Variants in ECT2L observed in about 807,000 individuals in gnomAD.
ECT2L encodes the protein epithelial cell transforming 2 like, also known as epithelial cell-transforming sequence 2 oncogene-like.
A neutral mutation model predicts 122.8 loss-of-function variants in ECT2L; 126 were observed. The ratio of observed to expected loss-of-function variants is 1.03; its 90% CI spans 0.89 to 1.19. The LOEUF (loss-of-function observed/expected upper bound fraction) is 1.19, where lower values mean the gene tolerates loss of function less well. ECT2L is among the 50% of genes most tolerant of loss of function. The probability of loss-of-function intolerance (pLI) is 0.00; values close to 1 mark genes in which losing one functional copy is unlikely to be tolerated. For missense variants in ECT2L, 1,012 were observed against 1,064.1 expected, an observed-to-expected ratio of 0.95 and a Z score of 0.68; for synonymous variants, 385 against 381.8, an observed-to-expected ratio of 1.01 and a Z score of -0.10.
rs1001035003 is a variant in ECT2L at position 138,894,668 on chromosome 6, T to C, written c.2414+5637T>C. On this transcript the variant is annotated intron_variant, in intron 20 of 21. Transcript: ENST00000541398. ...ACCCATTATCTTCACATACTGGAAA[T>C]TGTAGACAAAGAACAATTATGGTCA... Among the ~76,000 whole-genome samples the C allele has an allele frequency of 4.6e-5, 7 of 152,184 alleles. No homozygotes were observed. In the East Asian group the frequency reaches 7.7e-4, roughly 17 times the overall value.
intron 10 of ECT2L, among the ~76,000 whole-genome samples, chr6:138,856,582 T>C (rs1387044747): frequency 1.3e-5 from 2 of 152,242 alleles, no homozygotes; most frequent in Non-Finnish European, 2.9e-5. Context: ...GTCTTCATTT[T>C]TGCTTCCTTC....
At chr6:138,897,310 T>C (rs1268910104) in intron 20 of ECT2L, among the ~76,000 whole-genome samples, 1 of 151,986 alleles carries the variant, frequency 6.6e-6, no homozygotes, top group African/African-American at 2.4e-5. Context: ...CAACTGAGGA[T>C]GGAAAACATT....
At chr6:138,888,415 CA>C (rs1778904094) in intron 19 of ECT2L, among the ~76,000 whole-genome samples, 1 of 149,490 alleles carries the variant, frequency 6.7e-6, no homozygotes, top group African/African-American at 2.5e-5. Context: ...CTCCAGGGTT[CA>C]AGCAATTCTC....
chr6:138,822,367 A>G (rs1033443374), intron 4 of ECT2L, among the ~76,000 whole-genome samples: 1 of 152,186 alleles, frequency 6.6e-6, no homozygotes, highest in Non-Finnish European at 1.5e-5. Flanking sequence ...CAGCCTGGGC[A>G]ACATGGTGAA....
At chr6:138,871,818 C>CA (rs1054864190) in intron 13 of ECT2L, among the ~76,000 whole-genome samples, 198 of 149,372 alleles carry the variant, frequency 1.3e-3, no homozygotes, top group African/African-American at 3.1e-3. Flanking sequence ...AACAAACAAA[C>CA]AAAAAAAAAC....
intron 20 of ECT2L, among the ~76,000 whole-genome samples, chr6:138,891,219 C>T (rs564833859): frequency 6.6e-6 from 1 of 152,310 alleles, no homozygotes; most frequent in African/African-American, 2.4e-5. Context: ...AGTATAGTAT[C>T]ACATGGCAGA....
intron 4 of ECT2L, among the ~76,000 whole-genome samples, chr6:138,827,942 A>T (rs1038187387): frequency 1.4e-4 from 21 of 150,340 alleles, no homozygotes; most frequent in African/African-American, 4.9e-4. Context: ...ATAAAGGACT[A>T]TTTTTTTTTT....
chr6:138,867,655 C>CAAAA (rs71009601), intron 12 of ECT2L, among the ~76,000 whole-genome samples: 7 of 114,418 alleles, frequency 6.1e-5, no homozygotes, highest in East Asian at 3.1e-4. Context: ...CCTAAAACTA[C>CAAAA]AAAAAAAAAA....
At chr6:138,877,385 T>G (rs1778490161) in intron 14 of ECT2L, among the ~76,000 whole-genome samples, 1 of 152,128 alleles carries the variant, frequency 6.6e-6, no homozygotes, top group Non-Finnish European at 1.5e-5. Flanking sequence ...TATGAGGGTA[T>G]CTCATCTGAC....
intron 6 of ECT2L, 27 bp from the exon 7 acceptor site, chr6:138,844,385 C>G (rs777474729): frequency 6.2e-7 from 1 of 1,608,906 alleles, no homozygotes; most frequent in Non-Finnish European, 8.5e-7. Flanking sequence ...AAGTAATCAG[C>G]CCCGCCTGCT....
chr6:138,875,520 C>T (rs1415623839), intron 13 of ECT2L, among the ~76,000 whole-genome samples: 1 of 152,186 alleles, frequency 6.6e-6, no homozygotes, highest in Non-Finnish European at 1.5e-5. Flanking sequence ...AAACACAGGA[C>T]CACTGCTGTG....
Position 138,849,294 on chromosome 6 carries a change from G to T in ECT2L, c.929G>T (p.Gly310Val). The T allele has an allele frequency of 6.2e-7, 1 of 1,613,304 alleles. No individual in the cohort carries two copies. The highest frequency in any genetic ancestry group is 1.3e-5 in the African/African-American group (1 of 74,986). ...ATGGTGATGGAGAGTGTGAAGGCTG[G>T]TGTTGTTTCTGTGGTATATGAACAC... The part of the protein sequence containing the change: ...YEMVMESVKA[G>V]VVSVVYEHSV... Residue 310 changes from glycine (G) to valine (V), a missense_variant, in exon 9 of 22, where the codon GGT becomes GTT. Coordinates refer to ENST00000541398, the MANE Select transcript of ECT2L (RefSeq NM_001077706.3).
At chr6:138,859,783 C>A (rs1038050874) in intron 10 of ECT2L, among the ~76,000 whole-genome samples, 2 of 151,036 alleles carry the variant, frequency 1.3e-5, no homozygotes, top group Non-Finnish European at 2.9e-5. Flanking sequence ...TTTTCCTTCT[C>A]TGAACAGTTT....
At position 138,881,214 on chromosome 6, in the gene ECT2L, T is replaced by C. The variant is rs981320026; in HGVS notation, c.1880+43T>C. The C allele has an allele frequency of 4.5e-6, 7 of 1,555,338 alleles. No individual in the cohort carries two copies. In the African/African-American group the frequency reaches 8.2e-5, roughly 18 times the overall value. ...ATTTTTTTTAATATTCATTGTGCAC[T>C]GAGAAGAGCCCATGCTTTATTGTTT... On this transcript the variant is annotated intron_variant, in intron 15 of 21. Coordinates refer to ENST00000541398, the MANE Select transcript of ECT2L (RefSeq NM_001077706.3).
At position 138,902,727 on chromosome 6, in the gene ECT2L, T is replaced by A; in HGVS notation, c.*100T>A. The A allele has an allele frequency of 1.4e-6, 2 of 1,391,214 alleles. No homozygotes were observed. Among genetic ancestry groups the A allele is most frequent in the South Asian group, 1.2e-5 (1 of 80,874 alleles). 86.2% of individuals were successfully genotyped at this position (1,391,214 alleles called of 1,614,324 possible). On this transcript the variant is annotated 3_prime_UTR_variant, in exon 22 of 22. Coordinates refer to ENST00000541398, the MANE Select transcript of ECT2L (RefSeq NM_001077706.3). ...TATCCAGTAAGAAACAGAATAACTG[T>A]CATGGATGATGAGATAAACTAAGAT...
At position 138,833,821 on chromosome 6, in the gene ECT2L, A is replaced by AT. The variant is rs201307848; in HGVS notation, c.180-4529dup. On this transcript the variant is annotated intron_variant, in intron 4 of 21. Transcript: ENST00000541398. ...CAGCTCAAAAATAAATAAATAAATA[A>AT]TTAAAAAAAAATGCACCAGGGACTG... Among the ~76,000 whole-genome samples the AT allele has an allele frequency of 2.2e-4, 23 of 103,384 alleles. No individual in the cohort carries two copies. In the East Asian group the frequency reaches 3.5e-3, roughly 16 times the overall value. The allele number at this position is 103,384 out of a possible 152,430, so 67.8% of individuals were successfully genotyped here.
chr6:138,896,225 G>A lies in ECT2L; in HGVS notation c.2415-4723G>A, dbSNP rs536912284. On this transcript the variant is annotated intron_variant, in intron 20 of 21. Coordinates refer to ENST00000541398, the MANE Select transcript of ECT2L (RefSeq NM_001077706.3). ...GGATTACAGGCGTGAGCCACTGCAC[G>A]TGGCCAAAGCTTACTGATTTTTAAG... Among the ~76,000 whole-genome samples the A allele has an allele frequency of 3.3e-5, 5 of 151,604 alleles. No homozygotes were observed. The East Asian group carries it at 5.8e-4, about 18-fold the overall frequency.
At chr6:138,818,290 G>C (rs1776136935) in intron 4 of ECT2L, among the ~76,000 whole-genome samples, 1 of 152,088 alleles carries the variant, frequency 6.6e-6, no homozygotes, top group African/African-American at 2.4e-5. Context: ...AATGGGGTTG[G>C]AGGGCAGAAA....
At chr6:138,886,777 A>C in intron 18 of ECT2L, 80 bp from the exon 19 acceptor site, 1 of 1,024,050 alleles carries the variant, frequency 9.8e-7, no homozygotes, top group Non-Finnish European at 1.5e-6. Context: ...ATCAAGCGCC[A>C]TAAAATATTT....
Sources: gnomAD v4.1 joint callset for allele counts (sites outside exome capture counted in the v4.1 genomes callset) on GRCh38, gnomAD v4.1.1 for gene constraint, MANE v1.5 for transcripts, NCBI Gene and HGNC (gene_info 2026-07-23, HGNC 2026-07-21) for gene names.